SLC2A9: variants seen among roughly 807,000 people sequenced by gnomAD.
SLC2A9 encodes the protein solute carrier family 2, facilitated glucose transporter member 9.
In SLC2A9, 39 loss-of-function variants were observed where a neutral mutation model predicts 50.6. That is an observed-to-expected ratio of 0.77 (90% CI 0.60 to 1.01). SLC2A9 has a LOEUF of 1.01. SLC2A9 is among the 50% of genes least tolerant of loss of function. The probability of loss-of-function intolerance (pLI) is 0.00; values close to 1 mark genes in which losing one functional copy is unlikely to be tolerated. For synonymous variants in SLC2A9, 324 were observed against 276.9 expected, an observed-to-expected ratio of 1.17 and a Z score of -1.69; for missense variants, 686 against 677.6, an observed-to-expected ratio of 1.01 and a Z score of -0.14.
At chr4:9,925,456 T>C (rs1236687232) in intron 6 of SLC2A9, among the ~76,000 whole-genome samples, 1 of 152,090 alleles carries the variant, frequency 6.6e-6, no homozygotes, top group East Asian at 1.9e-4. Context: ...TGGAAAGGGG[T>C]GGGCCTTGGA....
chr4:9,883,678 T>G lies in SLC2A9; in HGVS notation c.1291+3889A>C, dbSNP rs551360268. Among the ~76,000 whole-genome samples, 29 of 152,360 alleles carry G rather than the reference T, an allele frequency of 1.9e-4. No individual in the cohort carries two copies. In the South Asian group the frequency reaches 5.8e-3, roughly 30 times the overall value. ...CTGGGAAGCCCTAAGCCACTGCTTCTGGGTTTAACCAATCACTTTAAGGGT... is the reference window on the plus strand; with the variant it reads ...CTGGGAAGCCCTAAGCCACTGCTTCGGGGTTTAACCAATCACTTTAAGGGT... On this transcript the variant is annotated intron_variant, in intron 10 of 11. Coordinates refer to ENST00000264784, the MANE Select transcript of SLC2A9 (RefSeq NM_020041.3).
intron 5 of SLC2A9, among the ~76,000 whole-genome samples, chr4:9,959,217 TAAA>T (rs11338281): frequency 0.01 from 1,386 of 137,206 alleles, 26 homozygotes; most frequent in African/African-American, 0.035. Context: ...CAATCTCTAC[TAAA>T]AAAAAAAAAA....
intron 10 of SLC2A9, among the ~76,000 whole-genome samples, chr4:9,835,431 C>T (rs1259657288): frequency 1.3e-5 from 2 of 148,188 alleles, no homozygotes; most frequent in African/African-American, 5.0e-5. Flanking sequence ...TCCCCATCTC[C>T]AGCTGGAGTC....
chr4:9,941,165 C>G (rs1027860042), intron 6 of SLC2A9, among the ~76,000 whole-genome samples: 7 of 152,146 alleles, frequency 4.6e-5, no homozygotes, highest in Non-Finnish European at 5.9e-5. Flanking sequence ...CTAAAAGAAT[C>G]AGAATGTGAT....
intron 3 of SLC2A9, among the ~76,000 whole-genome samples, chr4:9,812,591 A>T (rs1295316527): frequency 6.6e-6 from 1 of 151,460 alleles, no homozygotes; most frequent in East Asian, 1.9e-4. Context: ...TCCTTTCTGC[A>T]TCTAGGTCTT....
chr4:9,971,230 A>T (rs1753870430), intron 5 of SLC2A9, among the ~76,000 whole-genome samples: 2 of 152,172 alleles, frequency 1.3e-5, no homozygotes, highest in South Asian at 4.1e-4. Context: ...TCATTTAATT[A>T]ATTTAATTTA....
chr4:9,781,338 G>T (rs1296998876), intron 3 of SLC2A9, among the ~76,000 whole-genome samples: 1 of 152,168 alleles, frequency 6.6e-6, no homozygotes, highest in African/African-American at 2.4e-5. Flanking sequence ...TTCCCCCTCC[G>T]GAAGCCCTCG....
At chr4:10,008,179 C>A (rs904182540) in intron 2 of SLC2A9, among the ~76,000 whole-genome samples, 15 of 152,200 alleles carry the variant, frequency 9.9e-5, no homozygotes, top group African/African-American at 3.4e-4. Flanking sequence ...GTTCCTTTCC[C>A]CATTTGGCTC....
At chr4:9,801,158 C>A (rs1003972864) in intron 3 of SLC2A9, among the ~76,000 whole-genome samples, 1 of 152,132 alleles carries the variant, frequency 6.6e-6, no homozygotes, top group Admixed American at 6.5e-5. Context: ...GCTCAGTCCC[C>A]TCTTTCCCTC....
rs779235722 is a variant in SLC2A9 at position 9,942,039 on chromosome 4, T to TA, written c.687dup (p.Thr230TyrfsTer50). ...ATCACTCCAAACAGGTATGGCCAGG[T>TA]ACTCTCCTGTGGGAGAAGGAGATGC... On this transcript the variant is annotated frameshift_variant, in exon 6 of 12. Transcript: ENST00000264784. LOFTEE classifies it high-confidence loss of function. 4.3e-6 allele frequency: 7 copies of TA among 1,613,888 alleles called. No individual in the cohort carries two copies. In the African/African-American group the frequency reaches 5.3e-5, roughly 12 times the overall value.
In SLC2A9 at chr4:9,941,905, G is replaced by C. The variant is rs373604491; in HGVS notation, c.814+8C>G. The C allele has an allele frequency of 1.2e-5, 19 of 1,613,840 alleles. No homozygotes were observed. Among genetic ancestry groups the C allele is most frequent in the Non-Finnish European group, 1.6e-5 (19 of 1,179,912 alleles). On this transcript the variant is annotated splice_region_variant and intron_variant, in intron 6 of 11. Transcript: ENST00000264784. The stretch of plus-strand genomic sequence containing the variant: ...CTGGAGCTGTGCAGGAAAGGGAAGG[G>C]CCCTCACCTTTCACAGCTCTTGCCT...
intron 7 of SLC2A9, among the ~76,000 whole-genome samples, chr4:9,917,017 G>C (rs1233387860): frequency 1.3e-5 from 2 of 152,198 alleles, no homozygotes; most frequent in African/African-American, 4.8e-5. Context: ...GCACAGTGGA[G>C]GGGCAGGAAC....
At chr4:9,774,963 T>G (rs985101540), downstream of SLC2A9, among the ~76,000 whole-genome samples, 1 of 152,090 alleles carries the variant, frequency 6.6e-6, no homozygotes, top group African/African-American at 2.4e-5. Flanking sequence ...CTCTCCAGCA[T>G]CTACACATCA....
intron 3 of SLC2A9, among the ~76,000 whole-genome samples, chr4:9,986,341 T>C (rs1268161850): frequency 6.6e-6 from 1 of 152,176 alleles, no homozygotes; most frequent in Non-Finnish European, 1.5e-5. Context: ...TGATTCTGGT[T>C]CTGGAAATGG....
intron 1 of SLC2A9, among the ~76,000 whole-genome samples, chr4:10,030,939 TCTAAAACTAAGAAG>T (rs1763925093): frequency 8.7e-6 from 1 of 114,318 alleles, no homozygotes; most frequent in African/African-American, 2.6e-5. Flanking sequence ...AGCTGAGTCT[TCTAAAACTAAGAAG>T]TTAGCTGCAG....
intron 3 of SLC2A9, among the ~76,000 whole-genome samples, chr4:9,791,101 AGAG>A (rs1407924966): frequency 1.3e-5 from 2 of 152,216 alleles, no homozygotes; most frequent in Non-Finnish European, 1.5e-5. Flanking sequence ...AGGTCCTTTT[AGAG>A]GAGAAAAAAT....
intron 10 of SLC2A9, among the ~76,000 whole-genome samples, chr4:9,883,980 T>G (rs1183720887): frequency 2.6e-5 from 4 of 152,144 alleles, no homozygotes; most frequent in African/African-American, 4.8e-5. Context: ...TTCTGCACAG[T>G]CTTTCTCCTT....
intron 3 of SLC2A9, among the ~76,000 whole-genome samples, chr4:9,806,348 G>C (rs996529921): frequency 1.1e-4 from 17 of 152,244 alleles, no homozygotes; most frequent in African/African-American, 3.6e-4. Flanking sequence ...CCTTAAGAAT[G>C]TGTTCATGCT....
At chr4:9,821,759 A>G (rs1724432777), downstream of SLC2A9, among the ~76,000 whole-genome samples, 1 of 152,244 alleles carries the variant, frequency 6.6e-6, no homozygotes, top group African/African-American at 2.4e-5. Flanking sequence ...GTTTCATAAA[A>G]TGAGTTAGGA....
Sources: gnomAD v4.1 joint callset for allele counts (sites outside exome capture counted in the v4.1 genomes callset) on GRCh38, gnomAD v4.1.1 for gene constraint, MANE v1.5 for transcripts, NCBI Gene and HGNC (gene_info 2026-07-23, HGNC 2026-07-21) for gene names.